The following RNF17 variants were observed in gnomAD, a reference collection of about 807,000 sequenced individuals.
RNF17 encodes ring finger protein 17, also known as spermatogenesis associated 23.
Under a neutral mutation model 200.5 loss-of-function variants are expected in RNF17, and 31 were observed. The ratio of observed to expected loss-of-function variants is 0.15; its 90% CI spans 0.12 to 0.21. RNF17 has a LOEUF of 0.21. Among genes scored for constraint, RNF17 ranks in the 10% least tolerant of loss-of-function variants. The probability of loss-of-function intolerance (pLI) is 1.00; values close to 1 mark genes in which losing one functional copy is unlikely to be tolerated. For synonymous variants in RNF17, 606 were observed against 637.8 expected (o/e 0.95, Z 0.75); for missense variants, 1,628 against 1,905.1 (o/e 0.85, Z 2.71).
intron 31 of RNF17, among the ~76,000 whole-genome samples, chr13:24,869,762 T>A (rs1894046091): frequency 6.6e-6 from 1 of 151,554 alleles, no homozygotes; most frequent in African/African-American, 2.4e-5. Context: ...GCAGTTGTGG[T>A]TTTTTGTTTG....
chr13:24,787,689 T>C (rs1334201881), intron 6 of RNF17, among the ~76,000 whole-genome samples: 2 of 152,224 alleles, frequency 1.3e-5, no homozygotes, highest in African/African-American at 4.8e-5. Context: ...GTCTATTGTA[T>C]GTCTCTACTT....
chr13:24,764,797 T>TG (rs894255901), intron 1 of RNF17, among the ~76,000 whole-genome samples: 6 of 152,076 alleles, frequency 3.9e-5, no homozygotes, highest in African/African-American at 1.4e-4. Context: ...GTTGTTTCTG[T>TG]GGGGGTTTTT....
In RNF17 at chr13:24,830,578, G is replaced by A. The variant is rs562322222; in HGVS notation, c.2340G>A (p.Glu780=). ...AAGACGTGCGTAAAATAAAGGATGAGTTTCTGAATGCCCCAGAGAAGGTAA... is the reference window on the plus strand; with the variant it reads ...AAGACGTGCGTAAAATAAAGGATGAATTTCTGAATGCCCCAGAGAAGGTAA... ...TIKDVRKIKD[E]FLNAPEKAIK... Residue 780 remains glutamate (E), a synonymous_variant, in exon 17 of 36, where the codon GAG becomes GAA. Transcript: ENST00000255324. 2.5e-6 allele frequency: 4 copies of A among 1,607,664 alleles called. No homozygotes were observed. The highest frequency in any genetic ancestry group is 3.4e-6 in the Non-Finnish European group (4 of 1,175,456).
At chr13:24,852,417 T>C (rs758180049) in intron 24 of RNF17, among the ~76,000 whole-genome samples, 42 of 152,092 alleles carry the variant, frequency 2.8e-4, no homozygotes, top group East Asian at 5.8e-4. Flanking sequence ...GGATTACAGG[T>C]GTGAGCCACC....
intron 6 of RNF17, among the ~76,000 whole-genome samples, chr13:24,782,678 C>CA (rs1293867709): frequency 1.8e-4 from 27 of 150,282 alleles, no homozygotes; most frequent in Admixed American, 4.0e-4. Context: ...CTGTACAAAA[C>CA]AAAAAAAAAT....
At chr13:24,887,975 C>T in the RNF17 span, among the ~76,000 whole-genome samples, 1 of 152,210 alleles carries the variant, frequency 6.6e-6, no homozygotes, top group Non-Finnish European at 1.5e-5. Context: ...GCCACGGGCT[C>T]CACAGAGGGC....
At position 24,793,275 on chromosome 13, in the gene RNF17, T is replaced by C. The variant is rs768964497; in HGVS notation, c.1169T>C (p.Ile390Thr). 1.9e-6 allele frequency: 3 copies of C among 1,613,718 alleles called. No homozygotes were observed. Among genetic ancestry groups the C allele is most frequent in the Admixed American group, 1.7e-5 (1 of 59,946 alleles). Reference protein sequence around the residue: ...KDVATASPKTIAVLPQMGSSP... With the variant: ...KDVATASPKTTAVLPQMGSSP... The stretch of plus-strand genomic sequence containing the variant: ...GTTGCAACAGCATCCCCTAAAACCA[T>C]TGCTGTGTTACCTCAGATGGGATCT... The change falls in exon 10 of 36, where the codon ATT (isoleucine) becomes ACT (threonine). Residue 390 changes from isoleucine (I) to threonine (T), a missense_variant. Physicochemically the swap from Ile to Thr is moderately conservative, Grantham distance 89. Coordinates refer to ENST00000255324, the MANE Select transcript of RNF17 (RefSeq NM_031277.3).
chr13:24,829,082 G>A (rs1190455184), intron 16 of RNF17, among the ~76,000 whole-genome samples: 1 of 152,020 alleles, frequency 6.6e-6, no homozygotes, highest in Non-Finnish European at 1.5e-5. Context: ...CATCACATGT[G>A]GCCAAAAACA....
At chr13:24,865,044 T>C in intron 29 of RNF17, 46 bp downstream of exon 29, 1 of 1,393,246 alleles carries the variant, frequency 7.2e-7, no homozygotes, top group Non-Finnish European at 9.8e-7. Flanking sequence ...TAGAAAAGTC[T>C]AGTTAAAATG....
intron 32 of RNF17, among the ~76,000 whole-genome samples, chr13:24,873,535 G>A (rs1049672787): frequency 2.6e-5 from 4 of 152,100 alleles, no homozygotes; most frequent in African/African-American, 4.8e-5. Flanking sequence ...TCATCACCTC[G>A]AGCAGTTATT....
chr13:24,831,206 C>T (rs1432077716), intron 17 of RNF17, among the ~76,000 whole-genome samples: 3 of 144,734 alleles, frequency 2.1e-5, no homozygotes, highest in Admixed American at 1.4e-4. Flanking sequence ...TTTGGGAGGC[C>T]GAGGCGGGGG....
intron 15 of RNF17, among the ~76,000 whole-genome samples, chr13:24,812,576 G>A (rs1426074027): frequency 6.6e-6 from 1 of 151,512 alleles, no homozygotes; most frequent in African/African-American, 2.4e-5. Flanking sequence ...CGGTACCTCA[G>A]ATGGAAATGC....
At chr13:24,877,474 T>C (rs562832861) in intron 34 of RNF17, among the ~76,000 whole-genome samples, 1 of 152,268 alleles carries the variant, frequency 6.6e-6, no homozygotes, top group Non-Finnish European at 1.5e-5. Context: ...AATTAACTTA[T>C]AATGGGGAAA....
Position 24,796,180 on chromosome 13 carries a change from C to T in RNF17, c.1284C>T (p.Cys428=). Residue 428 remains cysteine, a synonymous_variant, in exon 11 of 36, where the codon TGC becomes TGT. Transcript: ENST00000255324. The part of the protein sequence containing the change: ...LVFVSHVIDP[C]HFYIRKYSQI... ...TTGTAAGCCATGTAATAGATCCTTG[C>T]CATTTCTACATTCGGAAGTATTCAC... 6.2e-7 allele frequency: 1 copy of T among 1,611,982 alleles called. No individual in the cohort carries two copies. The highest frequency in any genetic ancestry group is 1.1e-5 in the South Asian group (1 of 90,790).
chr13:24,846,949 T>G (rs1460226180), intron 22 of RNF17, among the ~76,000 whole-genome samples: 2 of 152,210 alleles, frequency 1.3e-5, no homozygotes, highest in African/African-American at 4.8e-5. Flanking sequence ...ATTAGAAATA[T>G]GTTTACCAAT....
At chr13:24,825,319 T>C (rs1888499263) in intron 15 of RNF17, among the ~76,000 whole-genome samples, 1 of 152,160 alleles carries the variant, frequency 6.6e-6, no homozygotes, top group Admixed American at 6.5e-5. Flanking sequence ...GTATGTGTGG[T>C]AAAGTCTAGT....
rs1242057385 is a variant in RNF17 at position 24,861,222 on chromosome 13, T to C, written c.3775-46T>C. ...CAGGAAATTCCTTTTGTCCCCTAGCTTTTAATAATAAATTTTAACTATAAA... is the reference window on the plus strand; with the variant it reads ...CAGGAAATTCCTTTTGTCCCCTAGCCTTTAATAATAAATTTTAACTATAAA... On this transcript the variant is annotated intron_variant, in intron 26 of 35. Coordinates refer to ENST00000255324, the MANE Select transcript of RNF17 (RefSeq NM_031277.3). 5.4e-6 allele frequency: 8 copies of C among 1,486,202 alleles called. No homozygotes were observed. The South Asian group carries it at 9.5e-5, about 18-fold the overall frequency. The allele number at this position is 1,486,202 out of a possible 1,614,324, so 92.1% of individuals were successfully genotyped here. A position where few individuals can be genotyped will look rare whatever the true frequency, so the allele number is the denominator to read the frequency against.
At chr13:24,809,716 G>C (rs1278607032) in intron 15 of RNF17, among the ~76,000 whole-genome samples, 2 of 152,164 alleles carry the variant, frequency 1.3e-5, no homozygotes, top group Non-Finnish European at 2.9e-5. Context: ...TTTTCTAGTT[G>C]TTTAAATTGT....
At chr13:24,881,918 CT>C (rs1953848102), downstream of RNF17, among the ~76,000 whole-genome samples, 2 of 107,918 alleles carry the variant, frequency 1.9e-5, no homozygotes, top group Non-Finnish European at 4.1e-5. Context: ...ATAGATACAT[CT>C]ATATAGATAT....
Sources: gnomAD v4.1 joint callset for allele counts (sites outside exome capture counted in the v4.1 genomes callset) on GRCh38, gnomAD v4.1.1 for gene constraint, MANE v1.5 for transcripts, NCBI Gene and HGNC (gene_info 2026-07-23, HGNC 2026-07-21) for gene names.